RAPGEF4: variants seen among roughly 807,000 people sequenced by gnomAD.
The protein encoded by RAPGEF4 is Rap guanine nucleotide exchange factor 4.
In RAPGEF4, 66 loss-of-function variants were observed where a neutral mutation model predicts 147.9. The ratio of observed to expected loss-of-function variants is 0.45; its 90% CI spans 0.37 to 0.55. The LOEUF is 0.55. RAPGEF4 is among the 20% of genes least tolerant of loss of function. RAPGEF4 has a pLI of 0.00. For missense variants in RAPGEF4, 1,071 were observed against 1,257.3 expected (o/e 0.85, Z 2.24); for synonymous variants, 419 against 442.7 (o/e 0.95, Z 0.67).
intron 6 of RAPGEF4, among the ~76,000 whole-genome samples, chr2:172,949,307 G>A (rs912650045): frequency 6.6e-6 from 1 of 152,154 alleles, no homozygotes; most frequent in South Asian, 2.1e-4. Context: ...AGGACTTCAT[G>A]TAGTACTTGG....
chr2:173,048,319 C>G, intron 29 of RAPGEF4: 1 of 492,676 alleles, frequency 2.0e-6, no homozygotes, highest in Non-Finnish European at 3.2e-6. Flanking sequence ...TGTACAGTCT[C>G]AGGCATGATA....
intron 4 of RAPGEF4, among the ~76,000 whole-genome samples, chr2:172,823,811 A>G (rs1404103590): frequency 6.6e-6 from 1 of 152,178 alleles, no homozygotes; most frequent in Non-Finnish European, 1.5e-5. Flanking sequence ...CAAATCTTCC[A>G]AAGGTTGTTG....
At chr2:172,842,725 A>T (rs1248132880) in intron 4 of RAPGEF4, among the ~76,000 whole-genome samples, 1 of 152,172 alleles carries the variant, frequency 6.6e-6, no homozygotes, top group Non-Finnish European at 1.5e-5. Context: ...CAATTTTATG[A>T]CCTGCCTTGG....
intron 4 of RAPGEF4, among the ~76,000 whole-genome samples, chr2:172,858,730 G>A (rs1320692460): frequency 2.0e-5 from 3 of 152,180 alleles, no homozygotes; most frequent in Admixed American, 1.3e-4. Flanking sequence ...CCAAGTTTTA[G>A]AGCACAGAAA....
intron 4 of RAPGEF4, among the ~76,000 whole-genome samples, chr2:172,872,736 G>A (rs1470805476): frequency 6.6e-6 from 1 of 152,060 alleles, no homozygotes; most frequent in African/African-American, 2.4e-5. Flanking sequence ...TTGATTGTAA[G>A]TTTCCCAAGG....
chr2:172,792,202 T>C (rs1240273955), intron 1 of RAPGEF4, among the ~76,000 whole-genome samples: 1 of 152,246 alleles, frequency 6.6e-6, no homozygotes, highest in African/African-American at 2.4e-5. Context: ...GGGGCGCCTC[T>C]GCCAGCTGCT....
At chr2:172,808,394 G>C (rs993730787) in intron 3 of RAPGEF4, among the ~76,000 whole-genome samples, 1 of 152,196 alleles carries the variant, frequency 6.6e-6, no homozygotes, top group Non-Finnish European at 1.5e-5. Context: ...GAAGTGTTTT[G>C]CAGATCATTC....
chr2:172,862,993 A>G (rs1694203050), intron 4 of RAPGEF4, among the ~76,000 whole-genome samples: 1 of 152,134 alleles, frequency 6.6e-6, no homozygotes, highest in Non-Finnish European at 1.5e-5. Flanking sequence ...TACCTTTGAT[A>G]AGAATATGAC....
rs1685863677 is a variant in RAPGEF4, at chr2:172,791,878, A to G, written c.66-3147A>G. Among the ~76,000 whole-genome samples, 3 of 152,190 alleles carry G rather than the reference A, an allele frequency of 2.0e-5. No homozygotes were observed. The South Asian group carries it at 6.2e-4, about 32-fold the overall frequency. The stretch of plus-strand genomic sequence containing the variant: ...AAAATCTTTTTAGCTGCCCTAGTCT[A>G]CACTCCTAATGTGGGAGATGCTCTG... On this transcript the variant is annotated intron_variant, in intron 1 of 30. Coordinates refer to ENST00000397081, the MANE Select transcript of RAPGEF4 (RefSeq NM_007023.4).
chr2:172,960,740 T>A lies in RAPGEF4; in HGVS notation c.538-20T>A. ...AACTTTTTGTTTAATTTTCTTTTGCTTTAACATTTTATTTTTCAGACACCT... is the reference window on the plus strand; with the variant it reads ...AACTTTTTGTTTAATTTTCTTTTGCATTAACATTTTATTTTTCAGACACCT... On this transcript the variant is annotated intron_variant, in intron 6 of 30. Coordinates refer to ENST00000397081, the MANE Select transcript of RAPGEF4 (RefSeq NM_007023.4). 1 of 1,582,272 alleles carries A rather than the reference T, an allele frequency of 6.3e-7. No individual in the cohort carries two copies. Among genetic ancestry groups the A allele is most frequent in the South Asian group, 1.2e-5 (1 of 86,252 alleles).
At chr2:173,015,923 T>TA (rs976338074) in intron 18 of RAPGEF4, among the ~76,000 whole-genome samples, 4 of 151,992 alleles carry the variant, frequency 2.6e-5, no homozygotes, top group African/African-American at 9.7e-5. Context: ...AAAAATGAAC[T>TA]AAAAAAAGCA....
chr2:173,038,202 G>A (rs1684296060), intron 29 of RAPGEF4, among the ~76,000 whole-genome samples: 1 of 152,118 alleles, frequency 6.6e-6, no homozygotes, highest in Admixed American at 6.6e-5. Flanking sequence ...TTTAATAATT[G>A]TTTGATCAAA....
At chr2:172,837,499 C>A (rs1691091066) in intron 4 of RAPGEF4, among the ~76,000 whole-genome samples, 2 of 152,184 alleles carry the variant, frequency 1.3e-5, no homozygotes, top group South Asian at 4.1e-4. Context: ...AGCCAACCAA[C>A]AAACCAAACA....
chr2:172,965,505 C>A, intron 8 of RAPGEF4, 57 bp from the exon 9 acceptor site: 1 of 1,571,034 alleles, frequency 6.4e-7, no homozygotes, highest in Non-Finnish European at 8.8e-7. Flanking sequence ...AGCCATCTCC[C>A]ATCCTCTATC....
rs1044477851 is a variant in RAPGEF4, at chr2:172,835,181, T to C, written c.444+20756T>C. On this transcript the variant is annotated intron_variant, in intron 4 of 30. Transcript: ENST00000397081. The stretch of plus-strand genomic sequence containing the variant: ...AGTAAATAGACCGTGAAGAAGTGAG[T>C]TGTGAGTGCTCATAGTGGTGTCACC... 1.7e-4 allele frequency among the ~76,000 whole-genome samples: 26 copies of C among 152,148 alleles called. 1 individual carries two copies. Among genetic ancestry groups the C allele is most frequent in the Admixed American group, 1.6e-3 (24 of 15,268 alleles).
intron 4 of RAPGEF4, among the ~76,000 whole-genome samples, chr2:172,826,779 C>A (rs908974366): frequency 6.6e-6 from 1 of 151,980 alleles, no homozygotes; most frequent in Non-Finnish European, 1.5e-5. Context: ...TCAGCCTGGA[C>A]AACATGGTGA....
intron 12 of RAPGEF4, among the ~76,000 whole-genome samples, chr2:172,986,860 A>AT (rs989378883): frequency 1.5e-3 from 229 of 149,252 alleles, no homozygotes; most frequent in African/African-American, 3.3e-3. Context: ...CGCCCAGCTA[A>AT]TTTTTTTTTT....
At chr2:172,833,991 A>G (rs944874967) in intron 4 of RAPGEF4, among the ~76,000 whole-genome samples, 1 of 152,212 alleles carries the variant, frequency 6.6e-6, no homozygotes, top group Non-Finnish European at 1.5e-5. Context: ...ATGCTACTTC[A>G]GGAAGCTAAT....
intron 6 of RAPGEF4, among the ~76,000 whole-genome samples, chr2:172,941,449 C>T (rs552161896): frequency 7.9e-5 from 12 of 151,940 alleles, no homozygotes; most frequent in African/African-American, 1.2e-4. Context: ...ATTATTTTCA[C>T]GATAAAGATG....
Sources: gnomAD v4.1 joint callset for allele counts (sites outside exome capture counted in the v4.1 genomes callset) on GRCh38, gnomAD v4.1.1 for gene constraint, MANE v1.5 for transcripts, NCBI Gene and HGNC (gene_info 2026-07-23, HGNC 2026-07-21) for gene names.